Variants in NPY2R observed in about 807,000 individuals in gnomAD.
The protein encoded by NPY2R is neuropeptide Y receptor type 2.
NPY2R carries 17 observed loss-of-function variants against 22.3 expected under a neutral mutation model. The ratio of observed to expected loss-of-function variants is 0.76; its 90% CI spans 0.52 to 1.14. NPY2R has a LOEUF of 1.14. Ranked by LOEUF, NPY2R falls within the 50% of genes most tolerant of loss-of-function variation. The pLI, the probability that NPY2R is intolerant of heterozygous loss-of-function variation, is 0.00. For missense variants in NPY2R, 424 were observed against 467.9 expected, an observed-to-expected ratio of 0.91 and a Z score of 0.87; for synonymous variants, 209 against 183.4, an observed-to-expected ratio of 1.14 and a Z score of -1.13.
intron 1 of NPY2R, among the ~76,000 whole-genome samples, chr4:155,211,747 A>C (rs558099275): frequency 6.6e-6 from 1 of 152,338 alleles, no homozygotes; most frequent in East Asian, 1.9e-4. Context: ...AGGGATTACC[A>C]AGAGCAGGAA....
chr4:155,193,841 G>T, the NPY2R span, among the ~76,000 whole-genome samples: 1 of 151,928 alleles, frequency 6.6e-6, no homozygotes, highest in African/African-American at 2.4e-5. Flanking sequence ...AGTGGTGGAT[G>T]AAACAAACAT....
the NPY2R span, among the ~76,000 whole-genome samples, chr4:155,184,575 AC>A: frequency 1.3e-5 from 2 of 152,062 alleles, no homozygotes; most frequent in East Asian, 3.9e-4. Context: ...ACCAGGAATG[AC>A]CCATGAAGCT....
At chr4:155,201,636 C>A in the NPY2R span, among the ~76,000 whole-genome samples, 1 of 152,066 alleles carries the variant, frequency 6.6e-6, no homozygotes, top group African/African-American at 2.4e-5. Context: ...TTTAATGTCA[C>A]GTTGGAGCAT....
At chr4:155,205,743 GTCAGACA>G (rs1199004544), upstream of NPY2R, among the ~76,000 whole-genome samples, 2 of 152,116 alleles carry the variant, frequency 1.3e-5, no homozygotes, top group Non-Finnish European at 2.9e-5. Context: ...AAGGAGATTT[GTCAGACA>G]TCAAATACTA....
chr4:155,184,136 T>A, the NPY2R span, among the ~76,000 whole-genome samples: 1 of 152,204 alleles, frequency 6.6e-6, no homozygotes, highest in Non-Finnish European at 1.5e-5. Flanking sequence ...TTCCTTTTAC[T>A]CTTTCTATAG....
chr4:155,176,076 C>T, the NPY2R span, among the ~76,000 whole-genome samples: 268 of 152,240 alleles, frequency 1.8e-3, no homozygotes, highest in Middle Eastern at 3.4e-3. Context: ...AAAACTTGTC[C>T]GATCACCACA....
the NPY2R span, among the ~76,000 whole-genome samples, chr4:155,185,027 C>T: frequency 7.7e-6 from 1 of 130,060 alleles, no homozygotes; most frequent in Admixed American, 8.4e-5. Context: ...CTGTTAGGTA[C>T]AACTATATAT....
chr4:155,214,996 G>A lies in NPY2R; in HGVS notation c.1057G>A (p.Val353Met), dbSNP rs778521932. Residue 353 changes from valine (V) to methionine (M), a missense_variant, in exon 2 of 2, where the codon GTG becomes ATG. Physicochemically the swap from Val to Met is conservative, Grantham distance 21 (BLOSUM62 1). Transcript: ENST00000329476. ...EQRLDAIHSE[V>M]SVTFKAKKNL... ...GCGGTTGGATGCCATTCACTCTGAG[G>A]TGTCCGTGACATTCAAGGCTAAAAA... is the stretch of plus-strand genomic sequence containing the variant. The A allele has an allele frequency of 6.2e-7, 1 of 1,614,168 alleles. No individual in the cohort carries two copies. The highest frequency in any genetic ancestry group is 1.1e-5 in the South Asian group (1 of 91,088).
chr4:155,199,505 G>GA, the NPY2R span, among the ~76,000 whole-genome samples: 3 of 151,288 alleles, frequency 2.0e-5, no homozygotes, highest in Non-Finnish European at 4.4e-5. Flanking sequence ...CACAGAATTA[G>GA]AAAAAAAACT....
At chr4:155,212,669 A>G (rs763220977) in intron 1 of NPY2R, among the ~76,000 whole-genome samples, 1 of 152,226 alleles carries the variant, frequency 6.6e-6, no homozygotes, top group Non-Finnish European at 1.5e-5. Flanking sequence ...GGTAAGTTAG[A>G]AGATGATTAG....
chr4:155,204,323 C>T (rs1247534365), upstream of NPY2R, among the ~76,000 whole-genome samples: 5 of 152,134 alleles, frequency 3.3e-5, no homozygotes, highest in Non-Finnish European at 7.3e-5. Context: ...CCACTTCAAT[C>T]TTCCCCACCT....
chr4:155,177,073 G>A, the NPY2R span, among the ~76,000 whole-genome samples: 3 of 152,112 alleles, frequency 2.0e-5, no homozygotes, highest in South Asian at 6.2e-4. Context: ...ATAAGATTCT[G>A]ACACTGGCCC....
At chr4:155,197,910 T>C in the NPY2R span, among the ~76,000 whole-genome samples, 1 of 151,986 alleles carries the variant, frequency 6.6e-6, no homozygotes, top group Non-Finnish European at 1.5e-5. Flanking sequence ...ACTAATGAGA[T>C]ATATGTGTGC....
rs1729495033 is a variant in NPY2R at position 155,215,383 on chromosome 4, C to G, written c.*298C>G. 1 of 468,744 alleles carries G rather than the reference C, an allele frequency of 2.1e-6. No individual in the cohort carries two copies. 29.0% of individuals were successfully genotyped at this position (468,744 alleles called of 1,614,324 possible). A position where few individuals can be genotyped will look rare whatever the true frequency, so the allele number is the denominator to read the frequency against. ...TTTCCTGGAGTGAAGAAAACTTGAACAAGAAATTGGTATTATCAAAGCATT... is the reference window on the plus strand; with the variant it reads ...TTTCCTGGAGTGAAGAAAACTTGAAGAAGAAATTGGTATTATCAAAGCATT... On this transcript the variant is annotated 3_prime_UTR_variant, in exon 2 of 2. Transcript: ENST00000329476.
At chr4:155,193,479 G>C in the NPY2R span, among the ~76,000 whole-genome samples, 1 of 151,916 alleles carries the variant, frequency 6.6e-6, no homozygotes, top group Non-Finnish European at 1.5e-5. Flanking sequence ...CTGAGAAATG[G>C]GATCCAAGGA....
In NPY2R at chr4:155,215,193, A is replaced by T; in HGVS notation, c.*108A>T. ...ATTTCCCATTTTAAAGAAGAAGTGG[A>T]TCTAAATGGAAGCATCTGCTGTTTA... On this transcript the variant is annotated 3_prime_UTR_variant, in exon 2 of 2. Coordinates refer to ENST00000329476, the MANE Select transcript of NPY2R (RefSeq NM_000910.4). The T allele has an allele frequency of 2.9e-6, 3 of 1,050,636 alleles. No individual in the cohort carries two copies. Among genetic ancestry groups the T allele is most frequent in the Non-Finnish European group, 4.4e-6 (3 of 686,624 alleles). 65.1% of individuals were successfully genotyped at this position (1,050,636 alleles called of 1,614,324 possible).
upstream of NPY2R, among the ~76,000 whole-genome samples, chr4:155,206,221 G>T (rs928819164): frequency 6.6e-6 from 1 of 152,148 alleles, no homozygotes; most frequent in African/African-American, 2.4e-5. Flanking sequence ...GGTTAGAAAT[G>T]GAATTTCCTG....
the NPY2R span, among the ~76,000 whole-genome samples, chr4:155,198,227 G>T: frequency 6.6e-6 from 1 of 151,612 alleles, no homozygotes; most frequent in Non-Finnish European, 1.5e-5. Flanking sequence ...TGGTTATCTG[G>T]GTTACATCAG....
upstream of NPY2R, among the ~76,000 whole-genome samples, chr4:155,204,213 A>C (rs1205639919): frequency 6.6e-6 from 1 of 152,128 alleles, no homozygotes; most frequent in East Asian, 1.9e-4. Context: ...AAAAAAAAAA[A>C]AACGAAAAAG....
Sources: gnomAD v4.1 joint callset for allele counts (sites outside exome capture counted in the v4.1 genomes callset) on GRCh38, gnomAD v4.1.1 for gene constraint, MANE v1.5 for transcripts, NCBI Gene and HGNC (gene_info 2026-07-23, HGNC 2026-07-21) for gene names.